Variants in MGST1 observed in about 807,000 individuals in gnomAD.
MGST1 encodes glutathione S-transferase 12.
MGST1 carries 5 observed loss-of-function variants against 8.9 expected under a neutral mutation model. That is an observed-to-expected ratio of 0.56 (90% CI 0.29 to 1.19). MGST1 has a LOEUF of 1.19. MGST1 is among the 50% of genes most tolerant of loss of function. The pLI is 0.08. For synonymous variants in MGST1, 54 were observed against 67.8 expected (o/e 0.80, Z 1.00); for missense variants, 182 against 187.4 (o/e 0.97, Z 0.17).
chr12:16,464,986 AT>A (rs1293527436), intron 4 of MGST1, among the ~76,000 whole-genome samples: 7 of 152,146 alleles, frequency 4.6e-5, no homozygotes, highest in African/African-American at 1.7e-4. Context: ...TGTGTTGTTT[AT>A]ACTTGGAATA....
chr12:16,560,825 T>A lies in MGST1; in HGVS notation n.483-28703T>A. 2 of 433,792 alleles carry A rather than the reference T, an allele frequency of 4.6e-6. No homozygotes were observed. The highest frequency in any genetic ancestry group is 2.1e-5 in the African/African-American group (1 of 48,754). The allele number at this position is 433,792 out of a possible 1,614,324, so 26.9% of individuals were successfully genotyped here. A position where few individuals can be genotyped will look rare whatever the true frequency, so the allele number is the denominator to read the frequency against. On this transcript the variant is annotated intron_variant and non_coding_transcript_variant, in intron 4 of 4. Transcript: ENST00000538857. This position sits in a 1 kb window ranked among gnomAD's most constrained non-coding sequence, Gnocchi z 5.0. ...ACAGAAGTCAATGGGGGTGAATTCA[T>A]AGCAAAAATCTCTGGGTTAGAGTAT...
chr12:16,396,564 A>G (rs1265005655), intron 1 of MGST1, among the ~76,000 whole-genome samples: 2 of 152,176 alleles, frequency 1.3e-5, no homozygotes, highest in Admixed American at 6.6e-5. Context: ...CAGCTCCTAG[A>G]ACTAATACAC....
intron 4 of MGST1, among the ~76,000 whole-genome samples, chr12:16,472,282 G>A (rs1565460882): frequency 6.6e-6 from 1 of 151,984 alleles, no homozygotes; most frequent in Non-Finnish European, 1.5e-5. Flanking sequence ...ACAAATCTTT[G>A]TAAATTACTG....
chr12:16,409,497 T>C (rs1940725320), intron 1 of MGST1, among the ~76,000 whole-genome samples: 1 of 152,066 alleles, frequency 6.6e-6, no homozygotes, highest in South Asian at 2.1e-4. Flanking sequence ...TCGCTGAAAT[T>C]ATGAGACTTG....
chr12:16,418,219 A>C (rs1168186497), intron 1 of MGST1, among the ~76,000 whole-genome samples: 2 of 152,170 alleles, frequency 1.3e-5, no homozygotes, highest in Non-Finnish European at 2.9e-5. Flanking sequence ...ATTTTACTGA[A>C]AACTAAATTC....
chr12:16,532,221 G>A lies in MGST1; in HGVS notation n.483-57307G>A, dbSNP rs373195227. Among the ~76,000 whole-genome samples the A allele has an allele frequency of 5.3e-5, 8 of 152,146 alleles. No homozygotes were observed. In the South Asian group the frequency reaches 8.3e-4, roughly 16 times the overall value. Reference sequence around the variant, plus strand: ...TGTTTTTCTTCAAGAAGCCTCTTGCGGGGGGAGAAAACCTCTCTCCCATTT... The same window carrying A: ...TGTTTTTCTTCAAGAAGCCTCTTGCAGGGGGAGAAAACCTCTCTCCCATTT... On this transcript the variant is annotated intron_variant and non_coding_transcript_variant, in intron 4 of 4. Transcript: ENST00000538857.
chr12:16,463,650 A>G (rs1941235872), intron 4 of MGST1, among the ~76,000 whole-genome samples: 1 of 151,838 alleles, frequency 6.6e-6, no homozygotes, highest in South Asian at 2.1e-4. Flanking sequence ...TTTTTTTTTA[A>G]GCAGAAAAAA....
intron 4 of MGST1, among the ~76,000 whole-genome samples, chr12:16,460,022 C>A (rs1457399154): frequency 1.3e-5 from 2 of 152,106 alleles, no homozygotes; most frequent in Non-Finnish European, 2.9e-5. Flanking sequence ...TCTCTCTATG[C>A]CTCACTTTCC....
At chr12:16,432,930 C>T (rs1565453731) in intron 1 of MGST1, among the ~76,000 whole-genome samples, 1 of 152,050 alleles carries the variant, frequency 6.6e-6, no homozygotes, top group Non-Finnish European at 1.5e-5. Flanking sequence ...CTAGTCAATG[C>T]TCTGAGAACC....
downstream of MGST1, among the ~76,000 whole-genome samples, chr12:16,366,808 CA>C (rs1940200370): frequency 6.6e-6 from 1 of 152,146 alleles, no homozygotes; most frequent in Non-Finnish European, 1.5e-5. The surrounding 1 kb of genome is among the most constrained non-coding windows in gnomAD (Gnocchi z 4.0). Flanking sequence ...AACTCCATCA[CA>C]AGCAGTTCAA....
intron 4 of MGST1, among the ~76,000 whole-genome samples, chr12:16,564,460 G>T (rs374258114): frequency 6.6e-6 from 1 of 152,186 alleles, no homozygotes; most frequent in Non-Finnish European, 1.5e-5. Context: ...CTGCGGACTG[G>T]GGGTAGGGAA....
chr12:16,582,491 G>C lies in MGST1; in HGVS notation n.483-7037G>C, dbSNP rs145458018. ...GAGTTATGTTAGTTTTGCATAAGCT[G>C]CTTTACATATTTTGAACTTAAGCTT... is the stretch of plus-strand genomic sequence containing the variant. On this transcript the variant is annotated intron_variant and non_coding_transcript_variant, in intron 4 of 4. Coordinates refer to the MGST1 transcript ENST00000538857. This position sits in a 1 kb window ranked among gnomAD's most constrained non-coding sequence, Gnocchi z 4.1. Among the ~76,000 whole-genome samples, 648 of 152,210 alleles carry C rather than the reference G, an allele frequency of 4.3e-3. 14 individuals are homozygous for C. Among genetic ancestry groups the C allele is most frequent in the Non-Finnish European group, 3.0e-3 (204 of 68,014 alleles).
intron 1 of MGST1, among the ~76,000 whole-genome samples, chr12:16,430,283 T>G (rs1485380828): frequency 6.6e-6 from 1 of 152,206 alleles, no homozygotes; most frequent in Admixed American, 6.6e-5. Context: ...TGGAAGCAAC[T>G]TATTCCAAAT....
chr12:16,395,811 A>ATATATATATATATATATATATG (rs1247749625), intron 1 of MGST1, among the ~76,000 whole-genome samples: 4 of 141,402 alleles, frequency 2.8e-5, no homozygotes, highest in African/African-American at 1.2e-4. Flanking sequence ...ATATACACAC[A>ATATATATATATATATATATATG]CACACACACA....
intron 1 of MGST1, chr12:16,399,496 A>G (rs889665959): frequency 1.3e-6 from 2 of 1,558,924 alleles, no homozygotes; most frequent in African/African-American, 2.7e-5. Context: ...CTACCCAACG[A>G]CTCCTTAGAA....
At position 16,459,105 on chromosome 12, in the gene MGST1, T is replaced by G. The variant is rs184790558; in HGVS notation, n.482+75501T>G. Among the ~76,000 whole-genome samples, 25 of 152,252 alleles carry G rather than the reference T, an allele frequency of 1.6e-4. No homozygotes were observed. The East Asian group carries it at 4.3e-3, about 26-fold the overall frequency. ...CATTGGGAATAAGATTTGTCCATTT[T>G]GAAGGCAATTAAAGAAATTATTCTG... On this transcript the variant is annotated intron_variant and non_coding_transcript_variant, in intron 4 of 4. Transcript: ENST00000538857.
intron 1 of MGST1, among the ~76,000 whole-genome samples, chr12:16,397,404 C>T (rs1940614259): frequency 6.6e-6 from 1 of 151,998 alleles, no homozygotes. Flanking sequence ...AAAGCAAATG[C>T]AACACGCGAA....
chr12:16,509,054 T>C (rs960519074), intron 4 of MGST1, among the ~76,000 whole-genome samples: 1 of 152,202 alleles, frequency 6.6e-6, no homozygotes, highest in African/African-American at 2.4e-5. Flanking sequence ...CTTGAATTAA[T>C]ATGAATTATT....
intron 2 of MGST1, among the ~76,000 whole-genome samples, chr12:16,357,045 A>G (rs1352071978): frequency 6.6e-6 from 1 of 152,168 alleles, no homozygotes; most frequent in Non-Finnish European, 1.5e-5. Context: ...CCTTTTCACT[A>G]TTTTTATTCA....
Sources: allele counts gnomAD v4.1 joint callset (sites outside exome capture counted in the v4.1 genomes callset), GRCh38; gene constraint gnomAD v4.1.1; non-coding constraint Gnocchi (gnomAD v3.1); transcripts MANE v1.5; gene names NCBI Gene and HGNC (gene_info 2026-07-23, HGNC 2026-07-21).